Variants in FGF13 observed in about 807,000 individuals in gnomAD.
FGF13 encodes the protein fibroblast growth factor homologous factor 2.
Under a neutral mutation model 19.5 loss-of-function variants are expected in FGF13, and 2 were observed. That is an observed-to-expected ratio of 0.10 (90% CI 0.04 to 0.32). The LOEUF (loss-of-function observed/expected upper bound fraction) is 0.32. Among genes scored for constraint, FGF13 ranks in the 10% least tolerant of loss-of-function variants. FGF13 has a pLI of 1.00. For missense variants in FGF13, 113 were observed against 192.7 expected, an observed-to-expected ratio of 0.59 and a Z score of 2.45; for synonymous variants, 72 against 76.9, an observed-to-expected ratio of 0.94 and a Z score of 0.33.
intron 1 of FGF13, among the ~76,000 whole-genome samples, chrX:138,889,213 G>A (rs1320338342): frequency 8.9e-6 from 1 of 111,817 alleles, no homozygotes; most frequent in African/African-American, 3.3e-5. Context: ...CTACAGAAGA[G>A]AATGGCCAAA....
At chrX:138,857,035 G>C (rs1335962002), downstream of FGF13, among the ~76,000 whole-genome samples, 1 of 112,112 alleles carries the variant, frequency 8.9e-6, no homozygotes, top group Non-Finnish European at 1.9e-5. Flanking sequence ...ATCTGGGCCT[G>C]CTTCAGCAAA....
chrX:139,068,593 C>T lies in FGF13; in HGVS notation c.-113+134823G>A, dbSNP rs372780051. Among the ~76,000 whole-genome samples the T allele has an allele frequency of 1.4e-4, 15 of 110,602 alleles. No individual in the cohort carries two copies. In the East Asian group the frequency reaches 2.3e-3, roughly 17 times the overall value. ...ACCTTGGGCAGTATGGCCATTTTCA[C>T]GATGTTGATTCTTCCTACCCATGAG... On this transcript the variant is annotated intron_variant, in intron 1 of 2. Coordinates refer to the FGF13 transcript ENST00000421460.
rs555628820 is a variant in FGF13, at chrX:138,670,555, C to T, written c.402+32429G>A. 4.0e-4 allele frequency among the ~76,000 whole-genome samples: 45 copies of T among 111,312 alleles called. No homozygotes were observed. In the South Asian group the frequency reaches 0.01, roughly 26 times the overall value. On this transcript the variant is annotated intron_variant, in intron 3 of 4. Coordinates refer to ENST00000315930, the MANE Select transcript of FGF13 (RefSeq NM_004114.5). ...CATAGAAATACATGCACAAGATGTGCGTAAAAAAGCAAGTTACAGAACAGG... is the reference window on the plus strand; with the variant it reads ...CATAGAAATACATGCACAAGATGTGTGTAAAAAAGCAAGTTACAGAACAGG...
At chrX:138,702,093 G>A (rs1007560118) in intron 3 of FGF13, among the ~76,000 whole-genome samples, 10 of 111,324 alleles carry the variant, frequency 9.0e-5, no homozygotes, top group African/African-American at 3.3e-4. Context: ...GACTAGCCTG[G>A]CCAACGTGGT....
intron 1 of FGF13, among the ~76,000 whole-genome samples, chrX:139,157,877 T>A (rs1404918353): frequency 8.9e-6 from 1 of 111,968 alleles, no homozygotes; most frequent in Non-Finnish European, 1.9e-5. Flanking sequence ...GCAGAAGGCA[T>A]GTGATTTATG....
chrX:138,737,256 G>A (rs1018923739), intron 1 of FGF13, among the ~76,000 whole-genome samples: 3 of 111,457 alleles, frequency 2.7e-5, no homozygotes, highest in Non-Finnish European at 5.7e-5. Flanking sequence ...TGTGTACAAG[G>A]GTTGAAGTGT....
At chrX:139,114,341 C>A (rs781136733) in intron 1 of FGF13, among the ~76,000 whole-genome samples, 136 of 112,127 alleles carry the variant, frequency 1.2e-3, no homozygotes, top group Non-Finnish European at 1.7e-3. Flanking sequence ...CTGGCTCTGA[C>A]AAATAAACGC....
chrX:138,779,788 C>G (rs1456880928), intron 3 of FGF13, among the ~76,000 whole-genome samples: 3 of 105,753 alleles, frequency 2.8e-5, no homozygotes, highest in Non-Finnish European at 5.9e-5. Context: ...GGCAGGCCAA[C>G]GTTCAGATTC....
At chrX:138,661,953 G>A (rs1029580667) in intron 3 of FGF13, among the ~76,000 whole-genome samples, 4 of 111,382 alleles carry the variant, frequency 3.6e-5, no homozygotes, top group African/African-American at 6.5e-5. Context: ...TAGTCTTTAA[G>A]AACAATAAAA....
chrX:139,183,617 T>TTTGCC (rs2084257141), intron 1 of FGF13, among the ~76,000 whole-genome samples: 1 of 111,956 alleles, frequency 8.9e-6, no homozygotes, highest in African/African-American at 3.2e-5. Context: ...CAGCTTTCCC[T>TTTGCC]TTGCCTTCCA....
chrX:138,781,736 G>A (rs993422338), intron 3 of FGF13, among the ~76,000 whole-genome samples: 14 of 111,705 alleles, frequency 1.3e-4, no homozygotes, highest in Non-Finnish European at 2.1e-4. Flanking sequence ...GGTACAAGGA[G>A]GAAGTGGTAC....
intron 1 of FGF13, among the ~76,000 whole-genome samples, chrX:138,874,940 C>T (rs1322482283): frequency 9.0e-6 from 1 of 111,711 alleles, no homozygotes; most frequent in South Asian, 3.8e-4. Flanking sequence ...CCTCTCTGCT[C>T]CTGAGAAAGT....
chrX:139,164,282 C>T (rs1284947385), intron 1 of FGF13, among the ~76,000 whole-genome samples: 2 of 110,396 alleles, frequency 1.8e-5, no homozygotes, highest in Non-Finnish European at 3.8e-5. Flanking sequence ...CCTTCTATGT[C>T]GGGGAACCTC....
chrX:138,928,830 C>T (rs1014215497), intron 1 of FGF13, among the ~76,000 whole-genome samples: 6 of 111,490 alleles, frequency 5.4e-5, no homozygotes, highest in Admixed American at 9.5e-5. Context: ...CTTAAAATGA[C>T]GTCCTAAAAT....
At chrX:138,858,882 T>G (rs746266173) in intron 2 of FGF13, among the ~76,000 whole-genome samples, 3 of 111,735 alleles carry the variant, frequency 2.7e-5, no homozygotes, top group Non-Finnish European at 5.6e-5. Flanking sequence ...TTTCCTTTCA[T>G]GTCAAGGAAA....
At chrX:139,152,693 A>G (rs147380206) in intron 1 of FGF13, among the ~76,000 whole-genome samples, 2 of 110,996 alleles carry the variant, frequency 1.8e-5, no homozygotes, top group South Asian at 7.7e-4. Flanking sequence ...AAATCTCTTC[A>G]AAGTTTACAA....
rs1244398882 is a variant in FGF13 at position 138,625,488 on chromosome X, T to TA, written c.*7361dup. 2.1e-4 allele frequency: 21 copies of TA among 98,099 alleles called. No homozygotes were observed. The highest frequency in any genetic ancestry group is 5.7e-4 in the African/African-American group (15 of 26,347). 8.1% of individuals were successfully genotyped at this position (98,099 alleles called of 1,213,427 possible). A position where few individuals can be genotyped will look rare whatever the true frequency, so the allele number is the denominator to read the frequency against. On this transcript the variant is annotated 3_prime_UTR_variant, in exon 5 of 5. Transcript: ENST00000315930. The stretch of plus-strand genomic sequence containing the variant: ...TATATATACATATATATATATAATA[T>TA]ATATATATACATATATATATATAAT...
rs113583295 is a variant in FGF13, at chrX:139,187,957, T to A, written c.-113+15459A>T. On this transcript the variant is annotated intron_variant, in intron 1 of 2. Coordinates refer to the FGF13 transcript ENST00000421460. The stretch of plus-strand genomic sequence containing the variant: ...TTGCTCATCACCTAGCTTCTACATG[T>A]GCTGTCCCCACTTTCCAGGACACTC... 7.7e-3 allele frequency among the ~76,000 whole-genome samples: 864 copies of A among 112,091 alleles called. 2 individuals are homozygous for A. The highest frequency in any genetic ancestry group is 0.012 in the Non-Finnish European group (623 of 53,212).
chrX:138,789,263 G>T (rs919134156), intron 3 of FGF13, among the ~76,000 whole-genome samples: 2 of 110,320 alleles, frequency 1.8e-5, no homozygotes, highest in Non-Finnish European at 3.8e-5. Context: ...CCGCCTCCCG[G>T]GTTCAAGCGA....
Sources: allele counts gnomAD v4.1 joint callset (sites outside exome capture counted in the v4.1 genomes callset), GRCh38; gene constraint gnomAD v4.1.1; transcripts MANE v1.5; gene names NCBI Gene and HGNC (gene_info 2026-07-23, HGNC 2026-07-21).